FAT1: variants seen among roughly 807,000 people sequenced by gnomAD.
FAT1 encodes the protein protocadherin Fat 1.
Under a neutral mutation model 329.8 loss-of-function variants are expected in FAT1, and 171 were observed. That is an observed-to-expected ratio of 0.52 (90% CI 0.46 to 0.59). FAT1 has a LOEUF of 0.59. Ranked by LOEUF, FAT1 falls within the 20% of genes least tolerant of loss-of-function variation. The probability of loss-of-function intolerance (pLI) is 0.00; values close to 1 mark genes in which losing one functional copy is unlikely to be tolerated. For synonymous variants in FAT1, 2,233 were observed against 2,228.6 expected, an observed-to-expected ratio of 1.00 and a Z score of -0.06; for missense variants, 5,672 against 5,774.4, an observed-to-expected ratio of 0.98 and a Z score of 0.57.
At chr4:186,720,471 C>T (rs1053311006) in intron 1 of FAT1, among the ~76,000 whole-genome samples, 1 of 152,212 alleles carries the variant, frequency 6.6e-6, no homozygotes, top group African/African-American at 2.4e-5. Flanking sequence ...ACAAGCCACA[C>T]TATGCTTTCT....
intron 2 of FAT1, among the ~76,000 whole-genome samples, chr4:186,671,944 G>T (rs907413222): frequency 6.6e-6 from 1 of 152,048 alleles, no homozygotes; most frequent in African/African-American, 2.4e-5. Context: ...TGGGCTGAAG[G>T]CATTTAAGAT....
At chr4:186,697,416 C>A (rs1744089612) in intron 2 of FAT1, among the ~76,000 whole-genome samples, 1 of 152,212 alleles carries the variant, frequency 6.6e-6, no homozygotes, top group African/African-American at 2.4e-5. Flanking sequence ...AACCGATCCC[C>A]ATGCTCTCCG....
intron 1 of FAT1, among the ~76,000 whole-genome samples, chr4:186,717,185 A>G (rs1375584588): frequency 6.6e-6 from 1 of 152,230 alleles, no homozygotes; most frequent in East Asian, 1.9e-4. Flanking sequence ...TTCTAGTTCA[A>G]TTATCATAGC....
At chr4:186,698,400 A>G (rs1276260696) in intron 2 of FAT1, among the ~76,000 whole-genome samples, 3 of 152,246 alleles carry the variant, frequency 2.0e-5, no homozygotes, top group Non-Finnish European at 4.4e-5. Flanking sequence ...ATATACACCA[A>G]GCATTCAAAG....
intron 26 of FAT1, among the ~76,000 whole-genome samples, chr4:186,594,107 C>T (rs1738376234): frequency 6.6e-6 from 1 of 151,952 alleles, no homozygotes; most frequent in African/African-American, 2.4e-5. Flanking sequence ...GCTCTGTCGC[C>T]CAGGCTGGAG....
chr4:186,620,423 C>CT lies in FAT1; in HGVS notation c.6162dup (p.Glu2055ArgfsTer4). 3 of 1,614,044 alleles carry CT rather than the reference C, an allele frequency of 1.9e-6. No individual in the cohort carries two copies. The highest frequency in any genetic ancestry group is 1.7e-6 in the Non-Finnish European group (2 of 1,179,908). On this transcript the variant is annotated frameshift_variant, in exon 10 of 27. Coordinates refer to ENST00000441802, the MANE Select transcript of FAT1 (RefSeq NM_005245.4). LOFTEE classifies it high-confidence loss of function. ...GCCACTGCAGAAGGCTTATGTTCCT[C>CT]TGTCACTTCTACAACCACATCAAAC... is the stretch of plus-strand genomic sequence containing the variant.
chr4:186,657,998 T>C (rs1004232739), intron 3 of FAT1, among the ~76,000 whole-genome samples: 2 of 152,228 alleles, frequency 1.3e-5, no homozygotes, highest in African/African-American at 4.8e-5. Context: ...ATGCTTTTGT[T>C]TGCAGGCGCT....
chr4:186,617,601 A>G, intron 10 of FAT1, 107 bp downstream of exon 10: 1 of 916,512 alleles, frequency 1.1e-6, no homozygotes, highest in Non-Finnish European at 1.6e-6. Flanking sequence ...ATTTTTAACT[A>G]AAATCATCCC....
intron 2 of FAT1, among the ~76,000 whole-genome samples, chr4:186,686,117 A>G (rs1743447981): frequency 6.6e-6 from 1 of 152,158 alleles, no homozygotes; most frequent in Non-Finnish European, 1.5e-5. Context: ...TTAGAAAAAT[A>G]ATGGATTTCT....
chr4:186,693,275 G>A (rs949424884), intron 2 of FAT1, among the ~76,000 whole-genome samples: 1 of 152,150 alleles, frequency 6.6e-6, no homozygotes, highest in African/African-American at 2.4e-5. Flanking sequence ...AAAGGGAAAC[G>A]CAATCGGGTA....
At chr4:186,640,330 A>T (rs1177816303) in intron 3 of FAT1, among the ~76,000 whole-genome samples, 1 of 152,196 alleles carries the variant, frequency 6.6e-6, no homozygotes, top group Non-Finnish European at 1.5e-5. Context: ...AAGTGGAAAA[A>T]CTCAAATCAG....
rs1744663660 is a variant in FAT1, at chr4:186,707,127, C to T, written c.2701G>A (p.Ala901Thr). 3 of 1,613,874 alleles carry T rather than the reference C, an allele frequency of 1.9e-6. No individual in the cohort carries two copies. Among genetic ancestry groups the T allele is most frequent in the African/African-American group, 2.7e-5 (2 of 74,940 alleles). Residue 901 changes from alanine (A) to threonine (T), a missense_variant, in exon 2 of 27, where the codon GCC becomes ACC. By Grantham distance (58) the Ala-to-Thr change is moderately conservative. This residue lies in a region of FAT1 where 3,966 missense variants were observed against 3,915.2 expected (regional missense o/e 1.01). Transcript: ENST00000441802. Reference protein sequence around the residue: ...HSLKIEARDQAREEPQLFSTV... With the variant: ...HSLKIEARDQTREEPQLFSTV... ...GAGAACAGCTGAGGCTCTTCTCTGG[C>T]TTGGTCCCTGGCCTCAATCTTTAAG...
intron 26 of FAT1, among the ~76,000 whole-genome samples, chr4:186,594,997 T>C (rs1738432100): frequency 6.6e-6 from 1 of 152,160 alleles, no homozygotes; most frequent in South Asian, 2.1e-4. Flanking sequence ...TTACTGAATA[T>C]TGACGTTTTT....
intron 2 of FAT1, among the ~76,000 whole-genome samples, chr4:186,681,957 C>T (rs757590899): frequency 4.6e-5 from 7 of 152,096 alleles, no homozygotes; most frequent in African/African-American, 9.7e-5. Flanking sequence ...GAACTGGTTA[C>T]GGATCTATAA....
At chr4:186,703,755 A>G (rs923412155) in intron 2 of FAT1, among the ~76,000 whole-genome samples, 3 of 152,250 alleles carry the variant, frequency 2.0e-5, no homozygotes, top group African/African-American at 7.2e-5. Flanking sequence ...ACCAAGCTGT[A>G]GTGCAGTCTC....
intron 3 of FAT1, among the ~76,000 whole-genome samples, chr4:186,650,951 G>A (rs1187507951): frequency 6.6e-6 from 1 of 151,784 alleles, no homozygotes; most frequent in Non-Finnish European, 1.5e-5. Context: ...CTGGTCCAGG[G>A]TCAACCAACT....
At chr4:186,614,747 A>G (rs28649380) in intron 11 of FAT1, among the ~76,000 whole-genome samples, 1 of 152,248 alleles carries the variant, frequency 6.6e-6, no homozygotes, top group Admixed American at 6.5e-5. Flanking sequence ...TTCCAAATAC[A>G]GGAATTTATT....
At chr4:186,679,311 G>A (rs9759552) in intron 2 of FAT1, among the ~76,000 whole-genome samples, 4,752 of 151,916 alleles carry the variant, frequency 0.031, 241 homozygotes, top group African/African-American at 0.11. Context: ...CAGCTACTCG[G>A]GAGGCTGAGG....
chr4:186,595,713 G>A lies in FAT1; in HGVS notation c.13114C>T (p.Gln4372Ter), dbSNP rs1738470836. ...LSEVQSLSSF[Q>*]SESCDDNGYH... The stretch of plus-strand genomic sequence containing the variant: ...CCATTGTCATCGCACGATTCGGACT[G>A]GAAGGAGCTCAGAGACTGCACTTCA... Residue 4372 changes from glutamine to a stop codon, truncating the protein, a stop_gained, in exon 26 of 27, where the codon CAG (glutamine) becomes TAG (stop). Transcript: ENST00000441802. LOFTEE classifies it high-confidence loss of function. The A allele has an allele frequency of 6.2e-7, 1 of 1,613,992 alleles. No individual in the cohort carries two copies. Among genetic ancestry groups the A allele is most frequent in the Non-Finnish European group, 8.5e-7 (1 of 1,179,888 alleles).
Sources: allele counts gnomAD v4.1 joint callset (sites outside exome capture counted in the v4.1 genomes callset), GRCh38; gene constraint gnomAD v4.1.1; regional missense constraint gnomAD v4.1.1; transcripts MANE v1.5; gene names NCBI Gene and HGNC (gene_info 2026-07-23, HGNC 2026-07-21).